Variants in MACROH2A2 observed in about 807,000 individuals in gnomAD.
MACROH2A2 encodes the protein core histone macro-H2A.2.
In MACROH2A2, 6 loss-of-function variants were observed where a neutral mutation model predicts 37.6. The ratio of observed to expected loss-of-function variants is 0.16; its 90% CI spans 0.09 to 0.32. MACROH2A2 has a LOEUF of 0.32. Ranked by LOEUF, MACROH2A2 falls within the 10% of genes least tolerant of loss-of-function variation. The pLI, the probability that MACROH2A2 is intolerant of heterozygous loss-of-function variation, is 1.00. For synonymous variants in MACROH2A2, 192 were observed against 202.7 expected, an observed-to-expected ratio of 0.95 and a Z score of 0.45; for missense variants, 290 against 485.9, an observed-to-expected ratio of 0.60 and a Z score of 3.79.
chr10:70,054,352 T>C (rs1289658721), intron 1 of MACROH2A2, among the ~76,000 whole-genome samples: 1 of 152,200 alleles, frequency 6.6e-6, no homozygotes, highest in Non-Finnish European at 1.5e-5. Flanking sequence ...AGTTACCCTG[T>C]CACAGCCACG....
intron 6 of MACROH2A2, among the ~76,000 whole-genome samples, chr10:70,097,051 T>TC (rs1438952270): frequency 6.6e-6 from 1 of 152,180 alleles, no homozygotes; most frequent in Non-Finnish European, 1.5e-5. Context: ...ATAATATGCT[T>TC]CTTTTTTTTA....
chr10:70,068,624 C>T (rs1385090911), intron 1 of MACROH2A2, among the ~76,000 whole-genome samples: 2 of 152,104 alleles, frequency 1.3e-5, no homozygotes, highest in Non-Finnish European at 2.9e-5. Flanking sequence ...AGCCAAAAAC[C>T]CAGCTTTGCA....
Position 70,097,971 on chromosome 10 carries a change from G to T in MACROH2A2, c.688+2218G>T, listed in dbSNP as rs573357481. ...TATAAAAAAGGGGGGCCCGAGTACG[G>T]TGGCTCACACCTGTAATCCCAGCAC... is the stretch of plus-strand genomic sequence containing the variant. On this transcript the variant is annotated intron_variant, in intron 6 of 8. Coordinates refer to ENST00000373255, the MANE Select transcript of MACROH2A2 (RefSeq NM_018649.3). Among the ~76,000 whole-genome samples, 7 of 152,244 alleles carry T rather than the reference G, an allele frequency of 4.6e-5. No individual in the cohort carries two copies. In the East Asian group the frequency reaches 1.2e-3, roughly 25 times the overall value.
chr10:70,059,020 A>C (rs966667616), intron 1 of MACROH2A2, among the ~76,000 whole-genome samples: 1 of 152,116 alleles, frequency 6.6e-6, no homozygotes, highest in African/African-American at 2.4e-5. Context: ...ATATAAAATC[A>C]AGCAGATTTT....
chr10:70,061,407 C>T (rs1384676481), intron 1 of MACROH2A2, among the ~76,000 whole-genome samples: 1 of 152,100 alleles, frequency 6.6e-6, no homozygotes. Flanking sequence ...CCACAGGTGG[C>T]CAAACGTATT....
chr10:70,110,648 G>C (rs1046467654), intron 8 of MACROH2A2, among the ~76,000 whole-genome samples: 1 of 151,818 alleles, frequency 6.6e-6, no homozygotes, highest in Non-Finnish European at 1.5e-5. Context: ...GCTTTAGGAG[G>C]CTGAGGCAGG....
intron 3 of MACROH2A2, among the ~76,000 whole-genome samples, chr10:70,091,356 G>A (rs573364795): frequency 2.0e-5 from 3 of 152,346 alleles, no homozygotes; most frequent in South Asian, 2.1e-4. Context: ...TTAGGAAAGC[G>A]GAGGCCACAT....
intron 7 of MACROH2A2, among the ~76,000 whole-genome samples, chr10:70,105,068 GGTAA>G (rs2072328597): frequency 6.6e-6 from 1 of 152,232 alleles, no homozygotes; most frequent in Admixed American, 6.5e-5. Flanking sequence ...CTGGAGCTAA[GGTAA>G]GTCCAGGGTT....
intron 1 of MACROH2A2, among the ~76,000 whole-genome samples, chr10:70,066,139 G>C (rs1424870737): frequency 1.3e-5 from 2 of 152,048 alleles, no homozygotes; most frequent in African/African-American, 4.8e-5. Flanking sequence ...AGGAGTTCAA[G>C]ACCAGCCTGG....
chr10:70,102,102 T>G (rs1321930235), intron 7 of MACROH2A2, among the ~76,000 whole-genome samples: 2 of 151,986 alleles, frequency 1.3e-5, no homozygotes, highest in Non-Finnish European at 2.9e-5. Flanking sequence ...CAGAGGAAAA[T>G]AAAACCCACC....
chr10:70,056,032 G>A lies in MACROH2A2; in HGVS notation c.-60+3032G>A, dbSNP rs749922090. 6.4e-4 allele frequency among the ~76,000 whole-genome samples: 97 copies of A among 152,082 alleles called. 1 individual carries two copies. The highest frequency in any genetic ancestry group is 8.8e-5 in the Non-Finnish European group (6 of 68,016). ...AATGAAAAAAGCAAATTGCAGAACA[G>A]TACATACTATATGGTACTATTGATA... is the stretch of plus-strand genomic sequence containing the variant. On this transcript the variant is annotated intron_variant, in intron 1 of 8. Transcript: ENST00000373255.
intron 6 of MACROH2A2, 96 bp downstream of exon 6, chr10:70,095,849 G>A (rs1027832138): frequency 5.5e-5 from 37 of 670,290 alleles, no homozygotes; most frequent in South Asian, 5.0e-4. Flanking sequence ...CTGTCCCTCC[G>A]CTGGGGTCCC....
At position 70,109,151 on chromosome 10, in the gene MACROH2A2, A is replaced by G; in HGVS notation, c.897A>G (p.Ser299=). ...QLEETIKNCL[S]AAEDKKLKSV... is the part of the protein sequence containing the mutation. ...AAGAGACCATCAAAAACTGCCTGTCAGCGGCGGAGGACAAGAAGCTAAAGT... is the reference window on the plus strand; with the variant it reads ...AAGAGACCATCAAAAACTGCCTGTCGGCGGCGGAGGACAAGAAGCTAAAGT... The change falls in exon 8 of 9, where the codon TCA becomes TCG. Residue 299 remains serine (S), a synonymous_variant. Coordinates refer to ENST00000373255, the MANE Select transcript of MACROH2A2 (RefSeq NM_018649.3). 6.2e-7 allele frequency: 1 copy of G among 1,614,206 alleles called. No homozygotes were observed. The highest frequency in any genetic ancestry group is 2.2e-5 in the East Asian group (1 of 44,884).
At chr10:70,083,739 G>C (rs569648848) in intron 2 of MACROH2A2, among the ~76,000 whole-genome samples, 1 of 150,244 alleles carries the variant, frequency 6.7e-6, no homozygotes, top group Admixed American at 6.7e-5. Context: ...TGGTGAAGGA[G>C]GGTGCACAGT....
intron 7 of MACROH2A2, among the ~76,000 whole-genome samples, chr10:70,101,531 G>A (rs574614995): frequency 6.6e-6 from 1 of 152,276 alleles, no homozygotes; most frequent in African/African-American, 2.4e-5. Flanking sequence ...AGGCGTTTTC[G>A]AATCTGGACC....
Position 70,072,591 on chromosome 10 carries a change from C to A in MACROH2A2, c.-59-3009C>A, listed in dbSNP as rs141875156. On this transcript the variant is annotated intron_variant, in intron 1 of 8. Transcript: ENST00000373255. ...ATGTGCTAGACTTTTATATGACTGG[C>A]AGCACAGTAGGTTTGTTTACATCAG... is the stretch of plus-strand genomic sequence containing the variant. Among the ~76,000 whole-genome samples, 607 of 152,256 alleles carry A rather than the reference C, an allele frequency of 4.0e-3. 4 individuals carry two copies. Among genetic ancestry groups the A allele is most frequent in the African/African-American group, 0.014 (573 of 41,532 alleles).
chr10:70,053,595 G>A lies in MACROH2A2; in HGVS notation c.-60+595G>A, dbSNP rs1191181858. Among the ~76,000 whole-genome samples the A allele has an allele frequency of 6.6e-6, 1 of 151,480 alleles. No individual in the cohort carries two copies. Among genetic ancestry groups the A allele is most frequent in the Admixed American group, 6.6e-5 (1 of 15,210 alleles). On this transcript the variant is annotated intron_variant, in intron 1 of 8. Transcript: ENST00000373255. The surrounding 1 kb of genome is among the most constrained non-coding windows in gnomAD (Gnocchi z 4.8). ...GGCGGGCCGCGCCGGGGAAGGTCAG[G>A]TCGGGGACGCCGGGTGGCGGGGCGA... is the stretch of plus-strand genomic sequence containing the variant.
At chr10:70,058,350 G>A (rs1033553656) in intron 1 of MACROH2A2, among the ~76,000 whole-genome samples, 55 of 152,318 alleles carry the variant, frequency 3.6e-4, no homozygotes, top group African/African-American at 1.3e-3. Flanking sequence ...AGAAATGTGT[G>A]TGGAAATATG....
rs762251636 is a variant in MACROH2A2, at chr10:70,095,740, C to T, written c.675C>T (p.Leu225=). Residue 225 remains leucine (L), a synonymous_variant, in exon 6 of 9, where the codon CTC becomes CTT. Coordinates refer to ENST00000373255, the MANE Select transcript of MACROH2A2 (RefSeq NM_018649.3). The part of the protein sequence containing the change: ...IVHPTTAEID[L]KEDIGKALEK... The stretch of plus-strand genomic sequence containing the variant: ...ACCCAACCACAGCCGAAATTGACCT[C>T]AAAGAAGATATAGGTAAGGTCCTGA... 1.7e-5 allele frequency: 26 copies of T among 1,552,480 alleles called. No individual in the cohort carries two copies. In the South Asian group the frequency reaches 2.7e-4, roughly 16 times the overall value.
Sources: gnomAD v4.1 joint callset for allele counts (sites outside exome capture counted in the v4.1 genomes callset) on GRCh38, gnomAD v4.1.1 for gene constraint, Gnocchi (gnomAD v3.1) non-coding constraint, MANE v1.5 for transcripts, NCBI Gene and HGNC (gene_info 2026-07-23, HGNC 2026-07-21) for gene names.